FSHR: variants seen among roughly 807,000 people sequenced by gnomAD.
The protein encoded by FSHR is follicle stimulating hormone receptor.
In FSHR, 46 loss-of-function variants were observed where a neutral mutation model predicts 52.1. That is an observed-to-expected ratio of 0.88 (90% CI 0.70 to 1.13). The LOEUF is 1.13. Among genes scored for constraint, FSHR ranks in the 50% most tolerant of loss-of-function variants. The pLI is 0.00. For synonymous variants in FSHR, 399 were observed against 309.6 expected, an observed-to-expected ratio of 1.29 and a Z score of -3.03; for missense variants, 964 against 834.6, an observed-to-expected ratio of 1.16 and a Z score of -1.91.
intron 2 of FSHR, among the ~76,000 whole-genome samples, chr2:49,041,725 C>T (rs1248605582): frequency 1.3e-5 from 2 of 152,002 alleles, no homozygotes; most frequent in Non-Finnish European, 2.9e-5. Context: ...ACATCCTTAC[C>T]TGAAAGGAAG....
chr2:49,048,422 A>T (rs1668738413), intron 2 of FSHR, among the ~76,000 whole-genome samples: 1 of 152,126 alleles, frequency 6.6e-6, no homozygotes, highest in East Asian at 1.9e-4. Flanking sequence ...GGTGCTTTCG[A>T]GGAATATGGG....
At position 48,962,342 on chromosome 2, in the gene FSHR, TA is replaced by T. The variant is rs1674260418; in HGVS notation, c.*390del. ...AATCCTGGCTCTGCCTCTTACAAAC[TA>T]AACAATTTTGAACAAGTCACTTAAC... On this transcript the variant is annotated 3_prime_UTR_variant, in exon 10 of 10. Transcript: ENST00000406846. The T allele has an allele frequency of 4.1e-6, 1 of 244,888 alleles. No individual in the cohort carries two copies. The highest frequency in any genetic ancestry group is 8.0e-6 in the Non-Finnish European group (1 of 124,854). The allele number at this position is 244,888 out of a possible 1,614,324, so 15.2% of individuals were successfully genotyped here.
chr2:49,130,684 C>A (rs1408884278), intron 1 of FSHR, among the ~76,000 whole-genome samples: 1 of 152,144 alleles, frequency 6.6e-6, no homozygotes, highest in Non-Finnish European at 1.5e-5. Flanking sequence ...AAATAAGATA[C>A]TTTATCCCTC....
At chr2:49,023,895 T>A (rs1050211864) in intron 2 of FSHR, among the ~76,000 whole-genome samples, 1 of 152,124 alleles carries the variant, frequency 6.6e-6, no homozygotes, top group African/African-American at 2.4e-5. Flanking sequence ...TTCAGAGCCA[T>A]TATGAAATTC....
At chr2:49,068,851 A>G (rs1164609117) in intron 1 of FSHR, among the ~76,000 whole-genome samples, 2 of 151,992 alleles carry the variant, frequency 1.3e-5, no homozygotes, top group Non-Finnish European at 2.9e-5. Flanking sequence ...TCCAATATAC[A>G]CTAGGTCTGT....
At chr2:49,109,018 G>A (rs888602282) in intron 1 of FSHR, among the ~76,000 whole-genome samples, 5 of 152,144 alleles carry the variant, frequency 3.3e-5, no homozygotes, top group South Asian at 4.1e-4. Flanking sequence ...AATGTCAGAG[G>A]AGATGTCTTC....
chr2:49,085,030 G>C (rs1377503744), intron 1 of FSHR, among the ~76,000 whole-genome samples: 1 of 152,218 alleles, frequency 6.6e-6, no homozygotes, highest in African/African-American at 2.4e-5. Context: ...AAGCCTGGTA[G>C]AGACACAACA....
chr2:48,984,738 A>G (rs1275030527), intron 6 of FSHR, among the ~76,000 whole-genome samples: 1 of 152,204 alleles, frequency 6.6e-6, no homozygotes, highest in Non-Finnish European at 1.5e-5. Flanking sequence ...GCTGACCCTT[A>G]ATCCATACAG....
chr2:49,032,682 A>G (rs1471116586), intron 2 of FSHR, among the ~76,000 whole-genome samples: 1 of 152,168 alleles, frequency 6.6e-6, no homozygotes, highest in Non-Finnish European at 1.5e-5. Context: ...AGGCACAGAA[A>G]AGTTAGGTGA....
At chr2:48,987,240 G>T (rs1675552421) in intron 6 of FSHR, among the ~76,000 whole-genome samples, 1 of 152,014 alleles carries the variant, frequency 6.6e-6, no homozygotes, top group Non-Finnish European at 1.5e-5. Flanking sequence ...GTCTCACTCT[G>T]TTGCCCAGGC....
At chr2:49,026,717 A>G (rs1415453516) in intron 2 of FSHR, among the ~76,000 whole-genome samples, 2 of 152,186 alleles carry the variant, frequency 1.3e-5, no homozygotes, top group African/African-American at 2.4e-5. Context: ...CCGGTGCCCA[A>G]CACAGCCGAG....
intron 1 of FSHR, among the ~76,000 whole-genome samples, chr2:49,100,623 A>G (rs1009364184): frequency 1.3e-5 from 2 of 152,332 alleles, no homozygotes; most frequent in Admixed American, 6.5e-5. Flanking sequence ...GATGGAAGAC[A>G]AATACTAAGT....
chr2:49,043,969 G>A (rs959541049), intron 2 of FSHR, among the ~76,000 whole-genome samples: 1 of 152,092 alleles, frequency 6.6e-6, no homozygotes, highest in Non-Finnish European at 1.5e-5. Context: ...TAACTCCCAC[G>A]TCTTTCAACT....
At chr2:49,145,364 G>T (rs1388208256) in intron 1 of FSHR, among the ~76,000 whole-genome samples, 3 of 152,044 alleles carry the variant, frequency 2.0e-5, no homozygotes, top group Non-Finnish European at 2.9e-5. Flanking sequence ...GTTCAGGTCT[G>T]TGCCCTTCTT....
intron 1 of FSHR, among the ~76,000 whole-genome samples, chr2:49,126,339 GA>G (rs978664471): frequency 4.0e-5 from 6 of 149,848 alleles, no homozygotes; most frequent in South Asian, 2.2e-4. Context: ...GGGAGAGAGA[GA>G]GGGGGCAAGA....
At position 48,962,259 on chromosome 2, in the gene FSHR, A is replaced by G. The variant is rs1674255911; in HGVS notation, c.*474T>C. 1 of 201,956 alleles carries G rather than the reference A, an allele frequency of 5.0e-6. No individual in the cohort carries two copies. Among genetic ancestry groups the G allele is most frequent in the African/African-American group, 2.4e-5 (1 of 42,058 alleles). The allele number at this position is 201,956 out of a possible 1,614,324, so 12.5% of individuals were successfully genotyped here. On this transcript the variant is annotated 3_prime_UTR_variant, in exon 10 of 10. Transcript: ENST00000406846. ...TGTTCAATTAATATTTGTTGAATGA[A>G]TGAATGAATGAATACCATGGTGCTT... is the stretch of plus-strand genomic sequence containing the variant.
chr2:49,016,209 G>A (rs993369495), intron 4 of FSHR, among the ~76,000 whole-genome samples: 8 of 152,230 alleles, frequency 5.3e-5, no homozygotes, highest in East Asian at 1.9e-4. Context: ...TATCAGAGGC[G>A]TAGTACAAAA....
chr2:49,147,710 A>G (rs1480939526), intron 1 of FSHR, among the ~76,000 whole-genome samples: 6 of 151,696 alleles, frequency 4.0e-5, no homozygotes, highest in Non-Finnish European at 7.4e-5. Context: ...ACTGCATTCT[A>G]TAGCTGTTCC....
At chr2:48,980,393 G>T (rs866547790) in intron 8 of FSHR, among the ~76,000 whole-genome samples, 4 of 152,200 alleles carry the variant, frequency 2.6e-5, no homozygotes, top group South Asian at 2.1e-4. Context: ...TTGTAGAATT[G>T]CTTCCGATGC....
Sources: gnomAD v4.1 joint callset for allele counts (sites outside exome capture counted in the v4.1 genomes callset) on GRCh38, gnomAD v4.1.1 for gene constraint, MANE v1.5 for transcripts, NCBI Gene and HGNC (gene_info 2026-07-23, HGNC 2026-07-21) for gene names.